BRINP3: variants seen among roughly 807,000 people sequenced by gnomAD.
BRINP3 encodes BMP/retinoic acid-inducible neural-specific protein 3.
In BRINP3, 19 loss-of-function variants were observed where a neutral mutation model predicts 71.0. The observed-to-expected ratio is 0.27, with a 90% CI of 0.19 to 0.39. The LOEUF (loss-of-function observed/expected upper bound fraction) is 0.39, where lower values mean the gene tolerates loss of function less well. Among genes scored for constraint, BRINP3 ranks in the 10% least tolerant of loss-of-function variants. The pLI, the probability that BRINP3 is intolerant of heterozygous loss-of-function variation, is 1.00. For missense variants in BRINP3, 959 were observed against 940.8 expected, an observed-to-expected ratio of 1.02 and a Z score of -0.25; for synonymous variants, 380 against 337.7, an observed-to-expected ratio of 1.13 and a Z score of -1.37.
intron 7 of BRINP3, among the ~76,000 whole-genome samples, chr1:190,120,744 C>G (rs1164960345): frequency 6.6e-6 from 1 of 151,566 alleles, no homozygotes; most frequent in Non-Finnish European, 1.5e-5. Context: ...ACCTCGTGAT[C>G]CACCGCCTCG....
intron 2 of BRINP3, among the ~76,000 whole-genome samples, chr1:190,317,710 ACCCGTATTGTTT>A (rs1340657419): frequency 1.3e-5 from 2 of 152,060 alleles, no homozygotes; most frequent in African/African-American, 4.8e-5. Flanking sequence ...CTATGCCTTT[ACCCGTATTGTTT>A]CCCCTGCTAG....
chr1:190,169,088 T>C (rs1235543171), intron 6 of BRINP3, among the ~76,000 whole-genome samples: 1 of 152,142 alleles, frequency 6.6e-6, no homozygotes, highest in African/African-American at 2.4e-5. Context: ...CTGAAAAATA[T>C]GAAATGTGAA....
chr1:190,460,533 T>TA (rs1038974145), intron 1 of BRINP3, among the ~76,000 whole-genome samples: 31 of 152,142 alleles, frequency 2.0e-4, no homozygotes, highest in African/African-American at 7.5e-4. Flanking sequence ...AAAACCAGAA[T>TA]AAAAAAATAA....
chr1:190,289,200 T>G (rs906325223), intron 2 of BRINP3, among the ~76,000 whole-genome samples: 1 of 151,918 alleles, frequency 6.6e-6, no homozygotes, highest in Non-Finnish European at 1.5e-5. Flanking sequence ...TTGCCCATCT[T>G]TTAAAGAAAA....
chr1:190,465,497 G>A (rs1026463990), intron 1 of BRINP3, among the ~76,000 whole-genome samples: 6 of 151,630 alleles, frequency 4.0e-5, no homozygotes, highest in African/African-American at 2.4e-5. Flanking sequence ...TATATGATCC[G>A]CCTAGATATC....
intron 2 of BRINP3, among the ~76,000 whole-genome samples, chr1:190,293,206 G>T (rs1365201073): frequency 1.3e-5 from 2 of 151,804 alleles, no homozygotes; most frequent in Non-Finnish European, 2.9e-5. Flanking sequence ...CATATGTATT[G>T]TTATGTTTTG....
intron 2 of BRINP3, among the ~76,000 whole-genome samples, chr1:190,384,056 A>C (rs969838939): frequency 1.3e-5 from 2 of 151,810 alleles, no homozygotes; most frequent in Non-Finnish European, 2.9e-5. Flanking sequence ...CAAGATTCCA[A>C]TCTAAGGAAT....
chr1:190,307,917 A>C (rs1665233074), intron 2 of BRINP3, among the ~76,000 whole-genome samples: 1 of 152,028 alleles, frequency 6.6e-6, no homozygotes, highest in Non-Finnish European at 1.5e-5. Context: ...GAAACTTTAG[A>C]AGCAAAAATC....
chr1:190,412,438 CT>C (rs1177615709), intron 2 of BRINP3, among the ~76,000 whole-genome samples: 8 of 134,556 alleles, frequency 5.9e-5, no homozygotes, highest in African/African-American at 2.2e-4. Context: ...CTATGTAGTA[CT>C]TTTTTTGTTT....
chr1:190,356,920 A>T lies in BRINP3; in HGVS notation c.237-75170T>A, dbSNP rs1341350053. Among the ~76,000 whole-genome samples, 3 of 151,140 alleles carry T rather than the reference A, an allele frequency of 2.0e-5. 1 individual carries two copies. Among genetic ancestry groups the T allele is most frequent in the African/African-American group, 7.4e-5 (3 of 40,604 alleles). ...TAATTTCATTAGGCAAGATTCACTC[A>T]AGAAGTTGGAAGGAGAAGGGCGACT... On this transcript the variant is annotated intron_variant, in intron 2 of 7. Coordinates refer to ENST00000367462, the MANE Select transcript of BRINP3 (RefSeq NM_199051.3).
intron 4 of BRINP3, among the ~76,000 whole-genome samples, chr1:190,250,463 G>T (rs1296409611): frequency 5.9e-5 from 9 of 151,906 alleles, no homozygotes; most frequent in African/African-American, 2.2e-4. Flanking sequence ...GCTTGCTGTA[G>T]TACTTTTGGG....
At chr1:190,391,376 T>C (rs1047614381) in intron 2 of BRINP3, among the ~76,000 whole-genome samples, 5 of 151,802 alleles carry the variant, frequency 3.3e-5, no homozygotes, top group East Asian at 3.9e-4. Flanking sequence ...TGATAAAATA[T>C]ATGTTGAATT....
chr1:190,298,253 A>C (rs1210560716), intron 2 of BRINP3, among the ~76,000 whole-genome samples: 1 of 151,862 alleles, frequency 6.6e-6, no homozygotes, highest in Non-Finnish European at 1.5e-5. Flanking sequence ...GAATATTGCC[A>C]ATTTTATTTT....
intron 2 of BRINP3, among the ~76,000 whole-genome samples, chr1:190,428,236 A>G (rs979462728): frequency 1.3e-5 from 2 of 152,072 alleles, no homozygotes; most frequent in African/African-American, 4.8e-5. Flanking sequence ...AAGAATTTTC[A>G]TTAACACAAT....
intron 1 of BRINP3, among the ~76,000 whole-genome samples, chr1:190,463,673 ATG>A (rs1244293275): frequency 6.6e-6 from 1 of 151,900 alleles, no homozygotes; most frequent in Non-Finnish European, 1.5e-5. Flanking sequence ...TAGTAAAAGA[ATG>A]AGAGCCTCAT....
chr1:190,362,926 A>AT (rs952311792), intron 2 of BRINP3, among the ~76,000 whole-genome samples: 1 of 152,134 alleles, frequency 6.6e-6, no homozygotes, highest in African/African-American at 2.4e-5. Flanking sequence ...TACAACCTCT[A>AT]TTTTTTTAAT....
chr1:190,310,433 A>T (rs1350267832), intron 2 of BRINP3, among the ~76,000 whole-genome samples: 1 of 151,728 alleles, frequency 6.6e-6, no homozygotes, highest in Non-Finnish European at 1.5e-5. Context: ...GGTATTTCTA[A>T]GGCTAATATG....
chr1:190,378,229 A>G (rs370331901), intron 2 of BRINP3, among the ~76,000 whole-genome samples: 5 of 152,344 alleles, frequency 3.3e-5, no homozygotes, highest in African/African-American at 1.2e-4. Flanking sequence ...GAGTCTCAAC[A>G]GAAAGTCTCC....
At chr1:190,223,182 AC>A (rs1388390283) in intron 6 of BRINP3, among the ~76,000 whole-genome samples, 2 of 151,972 alleles carry the variant, frequency 1.3e-5, no homozygotes, top group Non-Finnish European at 2.9e-5. Flanking sequence ...GGTCAGCATT[AC>A]CCTGATACTA....
Sources: allele counts gnomAD v4.1 joint callset (sites outside exome capture counted in the v4.1 genomes callset), GRCh38; gene constraint gnomAD v4.1.1; transcripts MANE v1.5; gene names NCBI Gene and HGNC (gene_info 2026-07-23, HGNC 2026-07-21).